BCAR1: variants seen among roughly 807,000 people sequenced by gnomAD.
BCAR1 encodes breast cancer anti-estrogen resistance protein 1.
In BCAR1, 30 loss-of-function variants were observed where a neutral mutation model predicts 67.6. That is an observed-to-expected ratio of 0.44 (90% CI 0.33 to 0.60). The LOEUF is 0.60. BCAR1 is among the 20% of genes least tolerant of loss of function. The pLI is 0.02. For synonymous variants in BCAR1, 626 were observed against 556.7 expected (o/e 1.12, Z -1.75); for missense variants, 1,313 against 1,222.3 (o/e 1.07, Z -1.11).
intron 1 of BCAR1, chr16:75,264,506 G>A (rs958657977): frequency 1.4e-6 from 2 of 1,426,650 alleles, no homozygotes; most frequent in Admixed American, 2.8e-5. Context: ...GGCATGTTCT[G>A]TCTTCCTTCT....
At position 75,235,036 on chromosome 16, in the gene BCAR1, C is replaced by G. The variant is rs777817468; in HGVS notation, c.1863G>C (p.Leu621=). The change falls in exon 5 of 7, where the codon CTG becomes CTC. Residue 621 remains leucine (L), a synonymous_variant. Transcript: ENST00000162330. ...TGGTCTTGTCAGTGGGGTTGGGGTG[C>G]AGGGTGCCACCCCCCTCAGGCCCCG... ...TAPGPEGGGT[L]HPNPTDKTSS... 6.2e-7 allele frequency: 1 copy of G among 1,613,200 alleles called. No individual in the cohort carries two copies. The highest frequency in any genetic ancestry group is 1.1e-5 in the South Asian group (1 of 91,074).
chr16:75,239,003 G>T (rs910887544), intron 2 of BCAR1: 2 of 985,296 alleles, frequency 2.0e-6, no homozygotes, highest in African/African-American at 3.5e-5. Flanking sequence ...ACGCGGTGAG[G>T]CCCAGGGGTG....
At chr16:75,239,865 A>G (rs2077277330) in intron 2 of BCAR1, among the ~76,000 whole-genome samples, 1 of 152,204 alleles carries the variant, frequency 6.6e-6, no homozygotes, top group Non-Finnish European at 1.5e-5. Flanking sequence ...AGGAGGGTGA[A>G]ACACAGGCCC....
chr16:75,247,896 G>T (rs1597249028), intron 1 of BCAR1: 1 of 693,190 alleles, frequency 1.4e-6, no homozygotes, highest in Non-Finnish European at 2.6e-6. Context: ...AAGACCCCAG[G>T]GTTGGGGGCA....
At chr16:75,261,638 G>A (rs569703199) in intron 1 of BCAR1, among the ~76,000 whole-genome samples, 16 of 152,366 alleles carry the variant, frequency 1.1e-4, no homozygotes, top group African/African-American at 3.8e-4. Context: ...TCACTCTCTG[G>A]TTGGAGTGAA....
intron 4 of BCAR1, chr16:75,236,587 C>T (rs989606868): frequency 2.1e-6 from 1 of 484,720 alleles, no homozygotes. Flanking sequence ...CTAGTCCCCC[C>T]TTCACTCTTG....
upstream of BCAR1, among the ~76,000 whole-genome samples, chr16:75,252,788 T>C (rs1256102992): frequency 6.6e-6 from 1 of 152,188 alleles, no homozygotes; most frequent in Non-Finnish European, 1.5e-5. Context: ...CCCCCAGGGC[T>C]CAGCCTACGC....
At chr16:75,240,952 G>A (rs1478887050) in intron 2 of BCAR1, among the ~76,000 whole-genome samples, 1 of 152,258 alleles carries the variant, frequency 6.6e-6, no homozygotes, top group African/African-American at 2.4e-5. Flanking sequence ...TCTCGCTGCT[G>A]CTCCCCAGCC....
chr16:75,230,179 G>A (rs1021767570), intron 6 of BCAR1, among the ~76,000 whole-genome samples, 156 bp from the exon 7 acceptor site: 6 of 152,190 alleles, frequency 3.9e-5, no homozygotes, highest in Non-Finnish European at 7.3e-5. Context: ...TCCCGGGGAC[G>A]GGACCAGGAA....
At chr16:75,266,587 G>T in intron 1 of BCAR1, 1 of 579,712 alleles carries the variant, frequency 1.7e-6, no homozygotes, top group Non-Finnish European at 2.6e-6. Context: ...CATCTACCAT[G>T]GTGCCCACAC....
chr16:75,250,680 G>T lies in BCAR1; in HGVS notation c.12+791C>A, dbSNP rs367722235. ...CCCAACTCCCTCACCTCGGTCCAGC[G>T]ATCAGCCTCTCGGACCCTCGAGAGG... On this transcript the variant is annotated intron_variant, in intron 1 of 6. Coordinates refer to ENST00000162330, the MANE Select transcript of BCAR1 (RefSeq NM_014567.5). 47 of 985,522 alleles carry T rather than the reference G, an allele frequency of 4.8e-5. No individual in the cohort carries two copies. In the African/African-American group the frequency reaches 6.8e-4, roughly 14 times the overall value. The allele number at this position is 985,522 out of a possible 1,614,324, so 61.0% of individuals were successfully genotyped here.
chr16:75,248,248 C>T, intron 1 of BCAR1: 2 of 1,494,188 alleles, frequency 1.3e-6, no homozygotes, highest in Non-Finnish European at 1.8e-6. Flanking sequence ...TTTCCCACCC[C>T]TCCTGTCCAC....
chr16:75,243,160 G>A (rs1480996535), intron 1 of BCAR1, 70 bp from the exon 2 acceptor site: 14 of 1,471,504 alleles, frequency 9.5e-6, no homozygotes, highest in African/African-American at 1.4e-5. Flanking sequence ...CCCAGCTCCT[G>A]CCCTGCTCTG....
At chr16:75,248,013 G>A in intron 1 of BCAR1, 1 of 1,174,746 alleles carries the variant, frequency 8.5e-7, no homozygotes, top group South Asian at 1.2e-5. Flanking sequence ...ACAGCCACCA[G>A]CTCATTTAAC....
chr16:75,252,093 G>A (rs919975799), upstream of BCAR1: 3 of 1,143,026 alleles, frequency 2.6e-6, no homozygotes, highest in African/African-American at 1.5e-5. Context: ...GAGGGGGCGT[G>A]CCCCAGCCTG....
At chr16:75,243,531 A>G in intron 1 of BCAR1, 1 of 503,196 alleles carries the variant, frequency 2.0e-6, no homozygotes, top group Non-Finnish European at 3.9e-6. Context: ...TCTTAGGATA[A>G]AAAAATGAAC....
chr16:75,229,903 G>A lies in BCAR1; in HGVS notation c.2221C>T (p.Arg741Trp), dbSNP rs2076832187. ...GRTGGLGPSDRQLLLFYLEQC... is the reference protein window; with the variant it reads ...GRTGGLGPSDWQLLLFYLEQC... The stretch of plus-strand genomic sequence containing the variant: ...TCCAGGTAGAAGAGCAGCAGCTGCC[G>A]GTCCGAGGGCCCCAGGCCGCCTGTT... The change falls in exon 7 of 7, where the codon CGG (arginine) becomes TGG (tryptophan). Residue 741 changes from arginine to tryptophan, a missense_variant. Physicochemically the swap from Arg to Trp is moderately radical, Grantham distance 101. Transcript: ENST00000162330. The A allele has an allele frequency of 1.2e-6, 2 of 1,609,988 alleles. No individual in the cohort carries two copies. The highest frequency in any genetic ancestry group is 8.5e-7 in the Non-Finnish European group (1 of 1,177,436).
intron 2 of BCAR1, among the ~76,000 whole-genome samples, chr16:75,239,876 G>A (rs576921546): frequency 1.1e-4 from 16 of 152,318 alleles, no homozygotes; most frequent in Middle Eastern, 3.4e-3. Context: ...ACACAGGCCC[G>A]ACAGGACCAC....
At position 75,238,945 on chromosome 16, in the gene BCAR1, G is replaced by A. The variant is rs546692768; in HGVS notation, c.634-1601C>T. The A allele has an allele frequency of 5.5e-5, 54 of 985,404 alleles. No individual in the cohort carries two copies. The African/African-American group carries it at 9.2e-4, about 17-fold the overall frequency. 61.0% of individuals were successfully genotyped at this position (985,404 alleles called of 1,614,324 possible). On this transcript the variant is annotated intron_variant, in intron 2 of 6. Transcript: ENST00000162330. ...CAGCCAGGACCCAGCACCAGCAGGA[G>A]GGATGAGCATCCTCCAAAAGCACCC...
Sources: gnomAD v4.1 joint callset for allele counts (sites outside exome capture counted in the v4.1 genomes callset) on GRCh38, gnomAD v4.1.1 for gene constraint, MANE v1.5 for transcripts, NCBI Gene and HGNC (gene_info 2026-07-23, HGNC 2026-07-21) for gene names.